Variants in NLRC3 observed in about 807,000 individuals in gnomAD.
NLRC3 encodes NLR family CARD domain-containing protein 3.
Under a neutral mutation model 91.6 loss-of-function variants are expected in NLRC3, and 87 were observed. The observed-to-expected ratio is 0.95, with a 90% confidence interval of 0.80 to 1.14. NLRC3 has a LOEUF of 1.14. NLRC3 is among the 50% of genes most tolerant of loss of function. NLRC3 has a pLI of 0.00. For missense variants in NLRC3, 1,577 were observed against 1,418.6 expected (o/e 1.11, Z -1.79); for synonymous variants, 694 against 625.3 (o/e 1.11, Z -1.64).
chr16:3,576,726 G>A (rs867725844), intron 1 of NLRC3, among the ~76,000 whole-genome samples: 64 of 152,198 alleles, frequency 4.2e-4, no homozygotes, highest in Non-Finnish European at 5.6e-4. Flanking sequence ...GCAGTGGCTC[G>A]ATCTCGGCTC....
intron 2 of NLRC3, among the ~76,000 whole-genome samples, chr16:3,566,678 T>C (rs1255901683): frequency 6.7e-6 from 1 of 150,298 alleles, no homozygotes; most frequent in African/African-American, 2.5e-5. Flanking sequence ...TAAGCTGAGA[T>C]CATGCCATTG....
chr16:3,545,997 A>C, intron 15 of NLRC3, among the ~76,000 whole-genome samples: 1 of 152,204 alleles, frequency 6.6e-6, no homozygotes, highest in Non-Finnish European at 1.5e-5. Context: ...ACAGGGATGG[A>C]GGTGAGTGGT....
At chr16:3,575,943 C>G (rs927717662) in intron 1 of NLRC3, among the ~76,000 whole-genome samples, 6 of 152,168 alleles carry the variant, frequency 3.9e-5, no homozygotes, top group African/African-American at 1.4e-4. Flanking sequence ...TCGGTTCTCT[C>G]GAGGTGGCCC....
At chr16:3,569,395 T>TATATATATATATATA (rs1491362144) in intron 1 of NLRC3, among the ~76,000 whole-genome samples, 1 of 47,748 alleles carries the variant, frequency 2.1e-5, no homozygotes, top group African/African-American at 7.4e-5. Flanking sequence ...TATATATATA[T>TATATATATATATATA]TATTTTTTTT....
chr16:3,542,794 A>G lies in NLRC3; in HGVS notation c.2940-19T>C, dbSNP rs778336321. On this transcript the variant is annotated intron_variant, in intron 17 of 19. Transcript: ENST00000359128. ...TCTTAAGCTGTTGGGAAAGACAGGA[A>G]GCCTAAGGCATGGGTACAGGCTGAG... 1 of 1,566,442 alleles carries G rather than the reference A, an allele frequency of 6.4e-7. No homozygotes were observed. Among genetic ancestry groups the G allele is most frequent in the Non-Finnish European group, 8.7e-7 (1 of 1,145,300 alleles).
intron 9 of NLRC3, among the ~76,000 whole-genome samples, chr16:3,552,735 A>C (rs1013792614): frequency 3.3e-5 from 5 of 152,072 alleles, no homozygotes; most frequent in Non-Finnish European, 7.4e-5. Context: ...ATGTTAACAG[A>C]TCGAGACTAT....
Position 3,543,445 on chromosome 16 carries a change from G to A in NLRC3, c.2919C>T (p.Asn973=). The A allele has an allele frequency of 1.2e-6, 2 of 1,612,406 alleles. No individual in the cohort carries two copies. Among genetic ancestry groups the A allele is most frequent in the Non-Finnish European group, 1.7e-6 (2 of 1,178,936 alleles). The part of the protein sequence containing the change: ...AQVLGEALAV[N]RTLEILDLRG... ...CTTACTCGAGAATCTCCAAGGTTCT[G>A]TTCACAGCCAAGGCTTCCCCTAGCA... The change falls in exon 17 of 20, where the codon AAC becomes AAT. Residue 973 remains asparagine, a synonymous_variant. Coordinates refer to ENST00000359128, the MANE Select transcript of NLRC3 (RefSeq NM_178844.4).
chr16:3,576,255 G>A (rs2040287128), intron 1 of NLRC3, among the ~76,000 whole-genome samples: 1 of 152,226 alleles, frequency 6.6e-6, no homozygotes, highest in African/African-American at 2.4e-5. Context: ...GCCCAGGGCA[G>A]TGGCACTTCT....
chr16:3,568,672 A>T (rs1183282792), intron 1 of NLRC3, among the ~76,000 whole-genome samples: 1 of 152,192 alleles, frequency 6.6e-6, no homozygotes, highest in Admixed American at 6.5e-5. Context: ...GGCTGCAATG[A>T]GCAGAGATTG....
intron 11 of NLRC3, 22 bp from the exon 12 acceptor site, chr16:3,549,802 TG>T (rs1300751466): frequency 6.5e-7 from 1 of 1,533,488 alleles, no homozygotes; most frequent in East Asian, 2.5e-5. Context: ...GGAGGCGCCC[TG>T]GGTGTGGCTG....
chr16:3,549,313 C>G lies in NLRC3; in HGVS notation c.2520-88G>C, dbSNP rs74005833. ...CCCAGGTGTTTAGGCTTCTTGAAGC[C>G]CAAGAAACTGCAGGCGGGGGACCTA... On this transcript the variant is annotated intron_variant, in intron 12 of 19. Transcript: ENST00000359128. 9,368 of 950,996 alleles carry G rather than the reference C, an allele frequency of 9.9e-3. 369 individuals carry two copies. The African/African-American group carries it at 0.11, about 11-fold the overall frequency. The allele number at this position is 950,996 out of a possible 1,614,324, so 58.9% of individuals were successfully genotyped here. A position where few individuals can be genotyped will look rare whatever the true frequency, so the allele number is the denominator to read the frequency against.
At chr16:3,546,234 TA>T (rs1331892123) in intron 15 of NLRC3, among the ~76,000 whole-genome samples, 6 of 151,300 alleles carry the variant, frequency 4.0e-5, no homozygotes, top group Non-Finnish European at 4.4e-5. Flanking sequence ...CCCATCTCTT[TA>T]AAAAAAATTG....
chr16:3,560,142 C>T (rs970650277), intron 6 of NLRC3, among the ~76,000 whole-genome samples: 2 of 152,248 alleles, frequency 1.3e-5, no homozygotes, highest in Admixed American at 1.3e-4. Flanking sequence ...CCCCTGGCCA[C>T]AGTGGCTCAC....
chr16:3,577,190 G>A lies in NLRC3; in HGVS notation c.-210C>T. On this transcript the variant is annotated 5_prime_UTR_variant, in exon 1 of 20. Transcript: ENST00000359128. ...CTGCTCCAGGGACAGCAAGACTGGG[G>A]GGCCTGGGGGCGTCCATCTCCATGC... 1 of 702,916 alleles carries A rather than the reference G, an allele frequency of 1.4e-6. No individual in the cohort carries two copies. Among genetic ancestry groups the A allele is most frequent in the Non-Finnish European group, 2.6e-6 (1 of 384,950 alleles). 43.5% of individuals were successfully genotyped at this position (702,916 alleles called of 1,614,324 possible). A position where few individuals can be genotyped will look rare whatever the true frequency, so the allele number is the denominator to read the frequency against.
rs1567448647 is a variant in NLRC3, at chr16:3,539,148, T to C, written c.*2677A>G. Reference sequence around the variant, plus strand: ...TAGCGTACAAGAAGAAATAGATCCCTCTCATTAGCACTTTAATATCAGTGT... The same window carrying C: ...TAGCGTACAAGAAGAAATAGATCCCCCTCATTAGCACTTTAATATCAGTGT... On this transcript the variant is annotated 3_prime_UTR_variant, in exon 20 of 20. Coordinates refer to ENST00000359128, the MANE Select transcript of NLRC3 (RefSeq NM_178844.4). 6.6e-6 allele frequency: 1 copy of C among 152,178 alleles called. No homozygotes were observed. The highest frequency in any genetic ancestry group is 1.5e-5 in the Non-Finnish European group (1 of 68,036). 9.4% of individuals were successfully genotyped at this position (152,178 alleles called of 1,614,324 possible).
At chr16:3,551,026 C>T (rs2038966292) in intron 10 of NLRC3, among the ~76,000 whole-genome samples, 1 of 152,066 alleles carries the variant, frequency 6.6e-6, no homozygotes. Flanking sequence ...CTCACCTACC[C>T]ACTTACCCAT....
intron 6 of NLRC3, among the ~76,000 whole-genome samples, chr16:3,559,489 TG>T (rs773533947): frequency 6.6e-6 from 1 of 152,214 alleles, no homozygotes; most frequent in African/African-American, 2.4e-5. Flanking sequence ...CCACTGTGCC[TG>T]GCCCCCGAAT....
chr16:3,544,186 T>A (rs2038561280), intron 16 of NLRC3, 60 bp downstream of exon 16: 29 of 901,688 alleles, frequency 3.2e-5, no homozygotes, highest in Non-Finnish European at 4.3e-5. Flanking sequence ...AAAAGACCTC[T>A]AACGTGAAAG....
At position 3,543,522 on chromosome 16, in the gene NLRC3, G is replaced by C. The variant is rs1250028177; in HGVS notation, c.2856-14C>G. ...GCCACCTGGAGACTGGGGCGGAGAGGGTGCCGTCAGTGTGAGCCGGCTGGG... is the reference window on the plus strand; with the variant it reads ...GCCACCTGGAGACTGGGGCGGAGAGCGTGCCGTCAGTGTGAGCCGGCTGGG... On this transcript the variant is annotated splice_polypyrimidine_tract_variant and intron_variant, in intron 16 of 19. Coordinates refer to ENST00000359128, the MANE Select transcript of NLRC3 (RefSeq NM_178844.4). The C allele has an allele frequency of 1.3e-5, 21 of 1,605,066 alleles. No homozygotes were observed. Among genetic ancestry groups the C allele is most frequent in the Non-Finnish European group, 1.8e-5 (21 of 1,174,692 alleles).
Sources: gnomAD v4.1 joint callset for allele counts (sites outside exome capture counted in the v4.1 genomes callset) on GRCh38, gnomAD v4.1.1 for gene constraint, MANE v1.5 for transcripts, NCBI Gene and HGNC (gene_info 2026-07-23, HGNC 2026-07-21) for gene names.